The following ST18 variants were observed in gnomAD, a reference collection of about 807,000 sequenced individuals.
The protein encoded by ST18 is ST18 C2H2C-type zinc finger transcription factor.
A neutral mutation model predicts 110.0 loss-of-function variants in ST18; 50 were observed. The ratio of observed to expected loss-of-function variants is 0.45; its 90% CI spans 0.36 to 0.58. ST18 has a LOEUF of 0.58. Ranked by LOEUF, ST18 falls within the 20% of genes least tolerant of loss-of-function variation. The probability of loss-of-function intolerance (pLI) is 0.00; values close to 1 mark genes in which losing one functional copy is unlikely to be tolerated. For missense variants in ST18, 1,306 were observed against 1,280.1 expected, an observed-to-expected ratio of 1.02 and a Z score of -0.31; for synonymous variants, 461 against 452.4, an observed-to-expected ratio of 1.02 and a Z score of -0.24.
At chr8:52,367,270 A>ACACACACACACAC (rs55935866) in intron 2 of ST18, among the ~76,000 whole-genome samples, 55 of 150,794 alleles carry the variant, frequency 3.6e-4, no homozygotes, top group South Asian at 1.3e-3. Context: ...ACACACACAC[A>ACACACACACACAC]AAGATTTTAC....
chr8:52,259,983 A>G (rs1343656354), intron 2 of ST18, among the ~76,000 whole-genome samples: 1 of 152,210 alleles, frequency 6.6e-6, no homozygotes, highest in African/African-American at 2.4e-5. Flanking sequence ...CATCTTATAA[A>G]CTTTTACAAA....
chr8:52,164,014 T>G lies in ST18; in HGVS notation c.1372A>C (p.Thr458Pro). Reference sequence around the variant, plus strand: ...TGGGCCTGGTCAGGACACTGCCCAGTTTGGGGAGAATCAAGCTGATTTTTA... The same window carrying G: ...TGGGCCTGGTCAGGACACTGCCCAGGTTGGGGAGAATCAAGCTGATTTTTA... ...QDKNQLDSPQTGQCPDQAHRT... is the reference protein window; with the variant it reads ...QDKNQLDSPQPGQCPDQAHRT... Residue 458 changes from threonine (T) to proline (P), a missense_variant, in exon 13 of 26, where the codon ACT (threonine) becomes CCT (proline). Coordinates refer to ENST00000689386, the MANE Select transcript of ST18 (RefSeq NM_001352837.2). 1 of 1,613,976 alleles carries G rather than the reference T, an allele frequency of 6.2e-7. No homozygotes were observed. Among genetic ancestry groups the G allele is most frequent in the South Asian group, 1.1e-5 (1 of 91,062 alleles).
intron 2 of ST18, among the ~76,000 whole-genome samples, chr8:52,368,575 A>C (rs1829059341): frequency 6.6e-6 from 1 of 152,220 alleles, no homozygotes; most frequent in Non-Finnish European, 1.5e-5. Context: ...TTCTTTCTGT[A>C]TAACAATCCA....
chr8:52,202,286 G>T (rs1205850110), intron 8 of ST18, among the ~76,000 whole-genome samples: 1 of 151,504 alleles, frequency 6.6e-6, no homozygotes. Context: ...AACAAACAGG[G>T]GTAGATAATG....
At chr8:52,227,459 T>C (rs1180566788) in intron 3 of ST18, among the ~76,000 whole-genome samples, 1 of 151,964 alleles carries the variant, frequency 6.6e-6, no homozygotes, top group Non-Finnish European at 1.5e-5. Flanking sequence ...TCCTGAAAAA[T>C]TCATCCCTAG....
chr8:52,188,331 A>C (rs1038885289), intron 8 of ST18, among the ~76,000 whole-genome samples: 2 of 152,306 alleles, frequency 1.3e-5, no homozygotes, highest in Non-Finnish European at 2.9e-5. Context: ...CAAGGAGGTT[A>C]GATAAGGGAG....
At chr8:52,236,665 G>A (rs2092725025) in intron 2 of ST18, among the ~76,000 whole-genome samples, 1 of 150,890 alleles carries the variant, frequency 6.6e-6, no homozygotes, top group East Asian at 1.9e-4. Flanking sequence ...CTGCTGTGTA[G>A]CTCTAGCTAA....
intron 2 of ST18, among the ~76,000 whole-genome samples, chr8:52,299,100 T>G (rs1176766474): frequency 1.3e-5 from 2 of 152,218 alleles, no homozygotes; most frequent in African/African-American, 4.8e-5. Context: ...TATTGCCTCA[T>G]GCTCACTCAT....
At position 52,358,838 on chromosome 8, in the gene ST18, A is replaced by C. The variant is rs562534366; in HGVS notation, c.-465+50490T>G. Reference sequence around the variant, plus strand: ...AAACTCTTCCAAAAAAAATAGAAGAAGAAGGAATGCATCCCAACTCATTCT... The same window carrying C: ...AAACTCTTCCAAAAAAAATAGAAGACGAAGGAATGCATCCCAACTCATTCT... On this transcript the variant is annotated intron_variant, in intron 2 of 25. Transcript: ENST00000689386. Among the ~76,000 whole-genome samples the C allele has an allele frequency of 2.6e-5, 4 of 152,132 alleles. No individual in the cohort carries two copies. In the South Asian group the frequency reaches 6.2e-4, roughly 24 times the overall value.
chr8:52,129,934 A>C (rs576048145), intron 22 of ST18, among the ~76,000 whole-genome samples: 62 of 152,008 alleles, frequency 4.1e-4, no homozygotes, highest in African/African-American at 1.5e-3. Flanking sequence ...AGTCCCAGCC[A>C]CTCAGGAGGC....
intron 2 of ST18, among the ~76,000 whole-genome samples, chr8:52,275,383 C>T (rs62499811): frequency 0.31 from 47,005 of 151,994 alleles, 7,521 homozygotes; most frequent in Middle Eastern, 0.45. Context: ...TAAAGTTCAG[C>T]TCAAGTTTAA....
chr8:52,211,978 C>T, intron 8 of ST18, 101 bp downstream of exon 8: 2 of 1,272,806 alleles, frequency 1.6e-6, no homozygotes, highest in East Asian at 2.3e-5. Flanking sequence ...TTAGCCAATT[C>T]CTTCTGCTAA....
chr8:52,281,864 A>G (rs945684553), intron 2 of ST18, among the ~76,000 whole-genome samples: 2 of 152,220 alleles, frequency 1.3e-5, no homozygotes, highest in Admixed American at 6.5e-5. Flanking sequence ...AGGCATAAGA[A>G]TGATACAATG....
chr8:52,223,208 C>T (rs904309052), intron 3 of ST18, among the ~76,000 whole-genome samples: 2 of 152,114 alleles, frequency 1.3e-5, no homozygotes, highest in Admixed American at 6.5e-5. Flanking sequence ...TAAACCTGTG[C>T]TACAAGGTAA....
At chr8:52,305,328 C>A (rs1329917289) in intron 2 of ST18, among the ~76,000 whole-genome samples, 1 of 152,170 alleles carries the variant, frequency 6.6e-6, no homozygotes. Flanking sequence ...GCCTGATTCT[C>A]ACTCCTTGGT....
chr8:52,317,326 AG>A (rs1186562601), intron 2 of ST18, among the ~76,000 whole-genome samples: 1 of 152,172 alleles, frequency 6.6e-6, no homozygotes, highest in East Asian at 1.9e-4. Flanking sequence ...ACAAAGGGGA[AG>A]GCCGTGTGAA....
At chr8:52,135,210 C>T (rs1268975304) in intron 19 of ST18, among the ~76,000 whole-genome samples, 2 of 152,088 alleles carry the variant, frequency 1.3e-5, no homozygotes, top group Non-Finnish European at 2.9e-5. Flanking sequence ...TAGAAAAATG[C>T]CAGTCAATAA....
At chr8:52,268,853 C>A (rs1232825377) in intron 2 of ST18, among the ~76,000 whole-genome samples, 1 of 152,154 alleles carries the variant, frequency 6.6e-6, no homozygotes, top group Non-Finnish European at 1.5e-5. Context: ...CTCACAGCAC[C>A]CACAAGGTCA....
At chr8:52,216,031 C>A (rs1315843108) in intron 6 of ST18, among the ~76,000 whole-genome samples, 1 of 152,170 alleles carries the variant, frequency 6.6e-6, no homozygotes, top group East Asian at 1.9e-4. Context: ...GTTATCTTGC[C>A]ACATGGATGG....
Sources: allele counts gnomAD v4.1 joint callset (sites outside exome capture counted in the v4.1 genomes callset), GRCh38; gene constraint gnomAD v4.1.1; transcripts MANE v1.5; gene names NCBI Gene and HGNC (gene_info 2026-07-23, HGNC 2026-07-21).